PPP2R3C: variants seen among roughly 807,000 people sequenced by gnomAD.
PPP2R3C encodes the protein serine/threonine-protein phosphatase 2A regulatory subunit B'' subunit gamma.
PPP2R3C carries 47 observed loss-of-function variants against 63.7 expected under a neutral mutation model. That is an observed-to-expected ratio of 0.74 (90% CI 0.58 to 0.94). PPP2R3C has a LOEUF of 0.94. Among genes scored for constraint, PPP2R3C ranks in the 40% least tolerant of loss-of-function variants. PPP2R3C has a pLI of 0.00. For synonymous variants in PPP2R3C, 180 were observed against 177.4 expected (o/e 1.01, Z -0.12); for missense variants, 421 against 518.4 (o/e 0.81, Z 1.82).
chr14:35,100,153 GAATA>G (rs1315907466), intron 6 of PPP2R3C: 3 of 151,800 alleles, frequency 2.0e-5, no homozygotes, highest in Admixed American at 6.6e-5. Context: ...CACTCTTTGA[GAATA>G]AATAGCTATA....
intron 6 of PPP2R3C, chr14:35,100,178 T>A (rs2046140570): frequency 6.6e-6 from 1 of 152,210 alleles, no homozygotes; most frequent in Non-Finnish European, 1.5e-5. Flanking sequence ...TATTATATCA[T>A]TGCATAGATG....
chr14:35,102,152 T>A (rs1429082138), intron 6 of PPP2R3C: 4 of 151,658 alleles, frequency 2.6e-5, no homozygotes, highest in Non-Finnish European at 4.4e-5. Context: ...TCAGCCTGAG[T>A]AGCCAGGATT....
chr14:35,104,617 C>CGA (rs2138669006), intron 6 of PPP2R3C, among the ~76,000 whole-genome samples: 1 of 152,308 alleles, frequency 6.6e-6, no homozygotes, highest in Admixed American at 6.5e-5. Context: ...TTATAATTCT[C>CGA]TGTTGATAAC....
chr14:35,095,689 A>C (rs575382762), intron 9 of PPP2R3C, among the ~76,000 whole-genome samples: 7 of 150,990 alleles, frequency 4.6e-5, no homozygotes, highest in East Asian at 3.9e-4. Flanking sequence ...AAAAAAACAA[A>C]AAAAAAAAAC....
intron 1 of PPP2R3C, among the ~76,000 whole-genome samples, chr14:35,118,714 C>T (rs888661189): frequency 1.4e-5 from 2 of 138,684 alleles, no homozygotes; most frequent in Non-Finnish European, 3.0e-5. Flanking sequence ...AGGGCAGTGG[C>T]GCGATCTTGG....
chr14:35,088,696 G>A lies in PPP2R3C; in HGVS notation c.1114-686C>T, dbSNP rs777847107. Among the ~76,000 whole-genome samples, 49 of 152,128 alleles carry A rather than the reference G, an allele frequency of 3.2e-4. 1 individual carries two copies. Among genetic ancestry groups the A allele is most frequent in the Admixed American group, 1.3e-4 (2 of 15,266 alleles). On this transcript the variant is annotated intron_variant, in intron 11 of 12. Coordinates refer to ENST00000261475, the MANE Select transcript of PPP2R3C (RefSeq NM_017917.4). Reference sequence around the variant, plus strand: ...GAAGTAGATAAGAATCTGAGTACATGCTCTGTTAATATAGTAATAGATGGT... The same window carrying A: ...GAAGTAGATAAGAATCTGAGTACATACTCTGTTAATATAGTAATAGATGGT...
chr14:35,105,926 T>C lies in PPP2R3C; in HGVS notation c.573+1378A>G, dbSNP rs538810423. 6.3e-4 allele frequency among the ~76,000 whole-genome samples: 96 copies of C among 152,056 alleles called. 2 individuals are homozygous for C. The South Asian group carries it at 0.019, about 31-fold the overall frequency. The stretch of plus-strand genomic sequence containing the variant: ...GGCGTGATCTCGGCTCACTGCAAGC[T>C]CCGCCTCCTGGGTTCATGCCATTCT... On this transcript the variant is annotated intron_variant, in intron 6 of 12. Transcript: ENST00000261475.
intron 2 of PPP2R3C, among the ~76,000 whole-genome samples, chr14:35,114,694 A>G (rs2046657504): frequency 6.6e-6 from 1 of 150,656 alleles, no homozygotes; most frequent in Non-Finnish European, 1.5e-5. Flanking sequence ...ATAGACCTCT[A>G]AAAAAAAAGA....
chr14:35,109,692 G>A (rs1448235158), intron 4 of PPP2R3C, 127 bp downstream of exon 4: 5 of 691,754 alleles, frequency 7.2e-6, no homozygotes, highest in Non-Finnish European at 1.1e-5. Context: ...CCCAGCTCAA[G>A]CAATCCTCTC....
chr14:35,110,512 G>C lies in PPP2R3C; in HGVS notation c.291+13C>G. Reference sequence around the variant, plus strand: ...TGGTTAACATCTAAAGCAACTTTTTGCTTTGTTCTTACCTGTAATTCTTCA... The same window carrying C: ...TGGTTAACATCTAAAGCAACTTTTTCCTTTGTTCTTACCTGTAATTCTTCA... On this transcript the variant is annotated intron_variant, in intron 3 of 12. Transcript: ENST00000261475. 6.5e-7 allele frequency: 1 copy of C among 1,541,028 alleles called. No homozygotes were observed. The highest frequency in any genetic ancestry group is 8.9e-7 in the Non-Finnish European group (1 of 1,126,280).
chr14:35,120,683 ACGT>A lies in PPP2R3C; in HGVS notation c.58+1216_58+1218del. 1.3e-5 allele frequency among the ~76,000 whole-genome samples: 2 copies of A among 152,300 alleles called. 1 individual carries two copies. The highest frequency in any genetic ancestry group is 3.9e-4 in the East Asian group (2 of 5,180). ...GAGTGTTGCCTGGGTGCGGCGGCTCACGTCTGTAATAGCAACACTTTGGGAGGT... is the reference window on the plus strand; with the variant it reads ...GAGTGTTGCCTGGGTGCGGCGGCTCACTGTAATAGCAACACTTTGGGAGGT... On this transcript the variant is annotated intron_variant, in intron 1 of 12. Coordinates refer to ENST00000261475, the MANE Select transcript of PPP2R3C (RefSeq NM_017917.4).
chr14:35,109,775 A>G lies in PPP2R3C; in HGVS notation c.404+44T>C, dbSNP rs147723268. On this transcript the variant is annotated intron_variant, in intron 4 of 12. Coordinates refer to ENST00000261475, the MANE Select transcript of PPP2R3C (RefSeq NM_017917.4). ...CCAGCCAATATTTGAGGCATTTAAAATGCTTAACATAACACATTCTTTTGT... is the reference window on the plus strand; with the variant it reads ...CCAGCCAATATTTGAGGCATTTAAAGTGCTTAACATAACACATTCTTTTGT... 1.5e-4 allele frequency: 219 copies of G among 1,460,148 alleles called. No homozygotes were observed. The East Asian group carries it at 4.6e-3, about 30-fold the overall frequency. The allele number at this position is 1,460,148 out of a possible 1,614,324, so 90.4% of individuals were successfully genotyped here.
At chr14:35,104,463 T>TTAACCCTA (rs2046287134) in intron 6 of PPP2R3C, among the ~76,000 whole-genome samples, 1 of 152,230 alleles carries the variant, frequency 6.6e-6, no homozygotes, top group Non-Finnish European at 1.5e-5. Context: ...ACCTAGTTTA[T>TTAACCCTA]ATTCATGCCC....
At chr14:35,113,473 G>T (rs2046623562) in intron 2 of PPP2R3C, among the ~76,000 whole-genome samples, 1 of 152,112 alleles carries the variant, frequency 6.6e-6, no homozygotes, top group South Asian at 2.1e-4. Flanking sequence ...GGAAGTACAA[G>T]AAAGTTCAGT....
intron 2 of PPP2R3C, among the ~76,000 whole-genome samples, chr14:35,112,337 A>G (rs540620069): frequency 6.6e-6 from 1 of 152,200 alleles, no homozygotes; most frequent in Non-Finnish European, 1.5e-5. Context: ...TCCTGGACTC[A>G]AGCAGTCCTC....
rs1355030687 is a variant in PPP2R3C at position 35,117,129 on chromosome 14, AG to A, written c.59-393del. 3 of 455,968 alleles carry A rather than the reference AG, an allele frequency of 6.6e-6. No homozygotes were observed. In the Admixed American group the frequency reaches 7.0e-5, roughly 11 times the overall value. 28.2% of individuals were successfully genotyped at this position (455,968 alleles called of 1,614,324 possible). On this transcript the variant is annotated intron_variant, in intron 1 of 12. Transcript: ENST00000261475. ...AATGAGGGGTGAGCAAGACAGCCCC[AG>A]CCCCTGACCTCATGGAGTTTCAGCC...
At chr14:35,122,261 C>T, upstream of PPP2R3C, 2 of 408,188 alleles carry the variant, frequency 4.9e-6, no homozygotes, top group South Asian at 2.9e-5. Flanking sequence ...CCGCGTTTTC[C>T]TTTATCGTGT....
At chr14:35,121,862 G>A (rs1314422406) in intron 1 of PPP2R3C, 40 bp downstream of exon 1, 1 of 1,612,232 alleles carries the variant, frequency 6.2e-7, no homozygotes, top group Non-Finnish European at 8.5e-7. Flanking sequence ...AGGAGTTTAG[G>A]GCCGGGCCAT....
chr14:35,099,266 T>G lies in PPP2R3C; in HGVS notation c.692A>C (p.Asp231Ala), dbSNP rs1389527276. The change falls in exon 7 of 13, where the codon GAT becomes GCT. Residue 231 changes from aspartate (D) to alanine (A), a missense_variant. This residue lies in a region of PPP2R3C where 231 missense variants were observed against 264.8 expected (regional missense o/e 0.87). Coordinates refer to ENST00000261475, the MANE Select transcript of PPP2R3C (RefSeq NM_017917.4). ...TAVRKFFFFL[D>A]PLRTGKIKIQ... The stretch of plus-strand genomic sequence containing the variant: ...TTTTCTTTTACCTGTTCTTAAAGGA[T>G]CTAAAAAGAAGAAGAACTTCCTAAC... 1 of 1,587,198 alleles carries G rather than the reference T, an allele frequency of 6.3e-7. No individual in the cohort carries two copies. Among genetic ancestry groups the G allele is most frequent in the Admixed American group, 1.9e-5 (1 of 51,484 alleles).
Sources: gnomAD v4.1 joint callset for allele counts (sites outside exome capture counted in the v4.1 genomes callset) on GRCh38, gnomAD v4.1.1 for gene constraint, gnomAD v4.1.1 regional missense constraint, MANE v1.5 for transcripts, NCBI Gene and HGNC (gene_info 2026-07-23, HGNC 2026-07-21) for gene names.